CHD2: variants seen among roughly 807,000 people sequenced by gnomAD.
CHD2 encodes the protein ATP-dependent chromatin remodeler CHD2.
CHD2 carries 28 observed loss-of-function variants against 243.9 expected under a neutral mutation model. That is an observed-to-expected ratio of 0.11 (90% CI 0.09 to 0.16). The LOEUF is 0.16. Ranked by LOEUF, CHD2 falls within the 10% of genes least tolerant of loss-of-function variation. CHD2 has a pLI of 1.00. For synonymous variants in CHD2, 775 were observed against 779.0 expected (o/e 0.99, Z 0.09); for missense variants, 1,386 against 2,209.8 (o/e 0.63, Z 7.47).
At chr15:92,982,085 C>G (rs2053987193) in intron 24 of CHD2, among the ~76,000 whole-genome samples, 1 of 152,122 alleles carries the variant, frequency 6.6e-6, no homozygotes, top group African/African-American at 2.4e-5. Context: ...TACCATGTTT[C>G]TAGTTTGAGG....
At chr15:92,935,160 A>G (rs955208252) in intron 5 of CHD2, among the ~76,000 whole-genome samples, 3 of 150,590 alleles carry the variant, frequency 2.0e-5, no homozygotes, top group Non-Finnish European at 3.0e-5. Flanking sequence ...CTCAGCCTCC[A>G]GAGTAGCTGG....
intron 26 of CHD2, among the ~76,000 whole-genome samples, chr15:92,987,308 T>C (rs1030562622): frequency 6.6e-5 from 10 of 152,102 alleles, no homozygotes; most frequent in African/African-American, 2.4e-4. Flanking sequence ...TTTTAAAAAA[T>C]GGTATTTGGC....
At chr15:92,996,177 T>C (rs1340845053) in intron 28 of CHD2, among the ~76,000 whole-genome samples, 2 of 121,436 alleles carry the variant, frequency 1.6e-5, no homozygotes, top group Non-Finnish European at 3.5e-5. Context: ...TTTTTTTTTT[T>C]GAGATGGAGT....
chr15:92,911,347 A>G (rs1325905457), intron 2 of CHD2, among the ~76,000 whole-genome samples: 1 of 152,210 alleles, frequency 6.6e-6, no homozygotes, highest in Non-Finnish European at 1.5e-5. Flanking sequence ...ATTGAGTCAC[A>G]AGGAGAGTAG....
rs751850387 is a variant in CHD2 at position 93,020,039 on chromosome 15, A to G, written c.4934A>G (p.Lys1645Arg). The change falls in exon 38 of 39, where the codon AAG (lysine) becomes AGG (arginine). Residue 1645 changes from lysine (K) to arginine (R), a missense_variant. Transcript: ENST00000394196. ...CGAGGAGACTGGCAGAGGGAAAGAA[A>G]GTTCAACTATGGTGGTGGCAACAAC... is the stretch of plus-strand genomic sequence containing the variant. ...ADRGDWQRER[K>R]FNYGGGNNNP... 6.2e-7 allele frequency: 1 copy of G among 1,613,388 alleles called. No homozygotes were observed. The highest frequency in any genetic ancestry group is 8.5e-7 in the Non-Finnish European group (1 of 1,179,346).
intron 17 of CHD2, 91 bp from the exon 18 acceptor site, chr15:92,971,674 A>C: frequency 8.7e-7 from 1 of 1,145,472 alleles, no homozygotes; most frequent in Non-Finnish European, 1.2e-6. Context: ...TTTTTTCTCC[A>C]CAATACTACT....
intron 19 of CHD2, chr15:92,974,038 T>TC (rs1473518055): frequency 2.0e-5 from 3 of 152,212 alleles, no homozygotes; most frequent in Non-Finnish European, 2.9e-5. Context: ...AAGTCACCTT[T>TC]CAGGTTAGTT....
chr15:93,012,495 G>GA (rs1567163746), intron 36 of CHD2, 51 bp downstream of exon 36: 2 of 1,317,914 alleles, frequency 1.5e-6, no homozygotes, highest in South Asian at 1.3e-5. Context: ...CAATTCCACA[G>GA]AAAAATCTCT....
At chr15:92,994,708 A>T (rs755849366) in intron 28 of CHD2, among the ~76,000 whole-genome samples, 1 of 152,222 alleles carries the variant, frequency 6.6e-6, no homozygotes, top group Non-Finnish European at 1.5e-5. Context: ...GAAATGAATA[A>T]TGTTTTCTCC....
intron 19 of CHD2, among the ~76,000 whole-genome samples, chr15:92,973,577 G>A (rs2053870453): frequency 6.6e-6 from 1 of 152,106 alleles, no homozygotes; most frequent in Admixed American, 6.5e-5. Context: ...GAAAGGCATT[G>A]TTATATCCAT....
At position 92,998,614 on chromosome 15, in the gene CHD2, G is replaced by T; in HGVS notation, c.4001G>T (p.Gly1334Val). Residue 1334 changes from glycine to valine, a missense_variant, in exon 31 of 39, where the codon GGG becomes GTG. This residue lies in a region of CHD2 where 125 missense variants were observed against 128.9 expected (regional missense o/e 0.97). Transcript: ENST00000394196. This position sits in a 1 kb window ranked among gnomAD's most constrained non-coding sequence, Gnocchi z 5.1. ...GLEKKGAVTGGEEAKLKKRKP... is the reference protein window; with the variant it reads ...GLEKKGAVTGVEEAKLKKRKP... The stretch of plus-strand genomic sequence containing the variant: ...GAGAAGAAGGGGGCTGTGACAGGTG[G>T]GGAAGAGGTGAGTACGCTGCCAGCT... The T allele has an allele frequency of 6.2e-7, 1 of 1,612,474 alleles. No homozygotes were observed. The highest frequency in any genetic ancestry group is 1.1e-5 in the South Asian group (1 of 90,992).
At chr15:92,919,835 A>G (rs1314660738) in intron 2 of CHD2, among the ~76,000 whole-genome samples, 1 of 152,222 alleles carries the variant, frequency 6.6e-6, no homozygotes. Flanking sequence ...AAAATACTTA[A>G]GGTATATAAT....
intron 36 of CHD2, among the ~76,000 whole-genome samples, chr15:93,013,395 T>C (rs2054416948): frequency 6.6e-6 from 1 of 152,140 alleles, no homozygotes; most frequent in Non-Finnish European, 1.5e-5. Flanking sequence ...GGACACATAA[T>C]CATGAAAGAC....
In CHD2 at chr15:92,987,514, C is replaced by T. The variant is rs934800249; in HGVS notation, c.3413+1841C>T. On this transcript the variant is annotated intron_variant, in intron 26 of 38. Transcript: ENST00000394196. Reference sequence around the variant, plus strand: ...TACTTGGGAGGCTGAGGCTGAGGCACGAGAATTGCTTGAACCCAGGAGGCC... The same window carrying T: ...TACTTGGGAGGCTGAGGCTGAGGCATGAGAATTGCTTGAACCCAGGAGGCC... 4.6e-5 allele frequency among the ~76,000 whole-genome samples: 7 copies of T among 151,022 alleles called. No individual in the cohort carries two copies. The East Asian group carries it at 5.8e-4, about 13-fold the overall frequency.
chr15:92,951,753 A>G (rs1007364317), intron 13 of CHD2, among the ~76,000 whole-genome samples: 2 of 152,230 alleles, frequency 1.3e-5, no homozygotes, highest in Non-Finnish European at 2.9e-5. Flanking sequence ...AATATACTAC[A>G]TCGTTTAAAC....
At chr15:92,957,164 A>G (rs1376163905) in intron 16 of CHD2, among the ~76,000 whole-genome samples, 1 of 152,238 alleles carries the variant, frequency 6.6e-6, no homozygotes. Context: ...TTAGAATAAC[A>G]TCTATATTCA....
At chr15:92,929,162 C>G in intron 5 of CHD2, 71 bp downstream of exon 5, 1 of 1,431,374 alleles carries the variant, frequency 7.0e-7, no homozygotes, top group Non-Finnish European at 9.6e-7. Flanking sequence ...GGACTGCCTT[C>G]GTTGTGTCTT....
chr15:92,971,240 C>G (rs78659457), intron 17 of CHD2, among the ~76,000 whole-genome samples: 1 of 152,270 alleles, frequency 6.6e-6, no homozygotes, highest in South Asian at 2.1e-4. Context: ...TTTATACTTA[C>G]TAGTTAAGCA....
chr15:93,004,459 T>G, intron 33 of CHD2, 158 bp from the exon 34 acceptor site: 1 of 587,584 alleles, frequency 1.7e-6, no homozygotes, highest in Non-Finnish European at 2.8e-6. Context: ...TCAGACAGGT[T>G]TGTCTTCATG....
Sources: gnomAD v4.1 joint callset for allele counts (sites outside exome capture counted in the v4.1 genomes callset) on GRCh38, gnomAD v4.1.1 for gene constraint, gnomAD v4.1.1 regional missense constraint, Gnocchi (gnomAD v3.1) non-coding constraint, MANE v1.5 for transcripts, NCBI Gene and HGNC (gene_info 2026-07-23, HGNC 2026-07-21) for gene names.